IQSEC3: variants seen among roughly 807,000 people sequenced by gnomAD.
IQSEC3 encodes the protein IQ motif and SEC7 domain-containing protein 3.
In IQSEC3, 50 loss-of-function variants were observed where a neutral mutation model predicts 105.4. The ratio of observed to expected loss-of-function variants is 0.47; its 90% confidence interval spans 0.38 to 0.60. IQSEC3 has a LOEUF of 0.60. IQSEC3 is among the 20% of genes least tolerant of loss of function. The pLI is 0.00. For missense variants in IQSEC3, 1,415 were observed against 1,630.0 expected (o/e 0.87, Z 2.27); for synonymous variants, 708 against 746.0 (o/e 0.95, Z 0.83).
At chr12:150,910 A>G (rs1216554965) in intron 5 of IQSEC3, among the ~76,000 whole-genome samples, 1 of 152,176 alleles carries the variant, frequency 6.6e-6, no homozygotes, top group Non-Finnish European at 1.5e-5. Context: ...GCTATCTGAA[A>G]GAACACCTCA....
At position 139,041 on chromosome 12, in the gene IQSEC3, A is replaced by C; in HGVS notation, c.1678A>C (p.Ser560Arg). 2 of 1,487,442 alleles carry C rather than the reference A, an allele frequency of 1.3e-6. No homozygotes were observed. The allele number at this position is 1,487,442 out of a possible 1,614,324, so 92.1% of individuals were successfully genotyped here. ...AEDSCAEAAA[S>R]GAADGATAPK... The stretch of plus-strand genomic sequence containing the variant: ...GGACTCATGCGCAGAGGCTGCGGCT[A>C]GTGGGGCGGCGGATGGGGCCACAGC... Residue 560 changes from serine (S) to arginine (R), a missense_variant, in exon 4 of 14, where the codon AGT (serine) becomes CGT (arginine). Around this residue, in one of 6 missense-constraint regions of IQSEC3, gnomAD observed 720 missense variants for 633.0 expected, o/e 1.14. Transcript: ENST00000538872.
chr12:100,318 C>G (rs1463839808), intron 2 of IQSEC3, among the ~76,000 whole-genome samples: 1 of 152,182 alleles, frequency 6.6e-6, no homozygotes, highest in East Asian at 1.9e-4. Flanking sequence ...GAGCAAGGAC[C>G]AGTGCAGCCA....
chr12:133,116 C>A (rs747087625), intron 3 of IQSEC3, among the ~76,000 whole-genome samples: 30 of 152,296 alleles, frequency 2.0e-4, no homozygotes, highest in Admixed American at 5.9e-4. Context: ...AGAGGGAAGG[C>A]AGACAGGGCT....
At chr12:169,185 C>A in intron 12 of IQSEC3, 80 bp downstream of exon 12, 1 of 1,144,980 alleles carries the variant, frequency 8.7e-7, no homozygotes, top group South Asian at 1.3e-5. Flanking sequence ...GGGCAATCTG[C>A]AGGGAGAGGT....
rs1211273494 is a variant in IQSEC3 at position 176,887 on chromosome 12, A to G, written c.*1854A>G. 1.3e-5 allele frequency: 2 copies of G among 152,300 alleles called. No individual in the cohort carries two copies. Among genetic ancestry groups the G allele is most frequent in the East Asian group, 1.9e-4 (1 of 5,194 alleles). 9.4% of individuals were successfully genotyped at this position (152,300 alleles called of 1,614,324 possible). A position where few individuals can be genotyped will look rare whatever the true frequency, so the allele number is the denominator to read the frequency against. On this transcript the variant is annotated 3_prime_UTR_variant, in exon 14 of 14. Coordinates refer to ENST00000538872, the MANE Select transcript of IQSEC3 (RefSeq NM_001170738.2). The surrounding 1 kb of genome is among the most constrained non-coding windows in gnomAD (Gnocchi z 4.0). The stretch of plus-strand genomic sequence containing the variant: ...TCAGACACCTCTGATGCCCTTAGCC[A>G]GGGCAGGGATCGTCCTTAAAGTGAA...
chr12:165,698 G>A (rs1366039636), intron 10 of IQSEC3, 31 bp from the exon 11 acceptor site: 6 of 1,610,336 alleles, frequency 3.7e-6, no homozygotes, highest in Non-Finnish European at 5.1e-6. Context: ...GCTGCTCACA[G>A]CCCACTGGGG....
chr12:74,651 G>A (rs2650213), intron 1 of IQSEC3, among the ~76,000 whole-genome samples: 76 of 152,388 alleles, frequency 5.0e-4, no homozygotes, highest in African/African-American at 1.5e-3. Context: ...GAAGGGCCCC[G>A]TGCTCTGTGC....
At position 74,530 on chromosome 12, in the gene IQSEC3, G is replaced by C. The variant is rs1335256667; in HGVS notation, c.554+7094G>C. ...CTCTTTGGTTGGAATAAGGGATCTGGGAGGGTTATGTAACTCTTCAAGACT... is the reference window on the plus strand; with the variant it reads ...CTCTTTGGTTGGAATAAGGGATCTGCGAGGGTTATGTAACTCTTCAAGACT... On this transcript the variant is annotated intron_variant, in intron 1 of 13. Transcript: ENST00000538872. Among the ~76,000 whole-genome samples, 3 of 152,280 alleles carry C rather than the reference G, an allele frequency of 2.0e-5. No individual in the cohort carries two copies. The East Asian group carries it at 5.8e-4, about 29-fold the overall frequency.
In IQSEC3 at chr12:78,922, C is replaced by T. The variant is rs141506455; in HGVS notation, c.554+11486C>T. Among the ~76,000 whole-genome samples, 1,324 of 152,284 alleles carry T rather than the reference C, an allele frequency of 8.7e-3. 12 individuals are homozygous for T. Among genetic ancestry groups the T allele is most frequent in the African/African-American group, 0.022 (924 of 41,552 alleles). On this transcript the variant is annotated intron_variant, in intron 1 of 13. Coordinates refer to ENST00000538872, the MANE Select transcript of IQSEC3 (RefSeq NM_001170738.2). ...GTGAGAGGCCTCACCACCCCCCACC[C>T]TGACCCCGGCATCTTCTAAGGGGCT...
chr12:86,152 G>A (rs2136894397), intron 1 of IQSEC3, among the ~76,000 whole-genome samples: 1 of 152,340 alleles, frequency 6.6e-6, no homozygotes, highest in South Asian at 2.1e-4. Context: ...AATGTCTCAG[G>A]GAAGCTGCTG....
At chr12:99,079 T>C (rs1864334031) in intron 1 of IQSEC3, 67 bp from the exon 2 acceptor site, 4 of 1,415,384 alleles carry the variant, frequency 2.8e-6, no homozygotes, top group African/African-American at 1.4e-5. Context: ...AGAAATGCTT[T>C]AGTGTCAGGC....
At chr12:99,319 C>T in intron 2 of IQSEC3, 105 bp downstream of exon 2, 1 of 1,020,352 alleles carries the variant, frequency 9.8e-7, no homozygotes, top group Non-Finnish European at 1.4e-6. Flanking sequence ...TCTTGAGTCT[C>T]ATGTGGGGTA....
chr12:82,523 G>A (rs1269344487), intron 1 of IQSEC3, among the ~76,000 whole-genome samples: 6 of 152,150 alleles, frequency 3.9e-5, no homozygotes, highest in Admixed American at 3.9e-4. Flanking sequence ...TCAGCAGCAT[G>A]TCAGCTAACT....
At chr12:163,728 A>C (rs1867035047) in intron 9 of IQSEC3, 109 bp downstream of exon 9, 2 of 760,480 alleles carry the variant, frequency 2.6e-6, no homozygotes, top group Admixed American at 2.2e-5. Flanking sequence ...CAGAGCTTTC[A>C]GACAGAATGC....
At chr12:116,361 C>A (rs1865048365) in intron 2 of IQSEC3, among the ~76,000 whole-genome samples, 1 of 152,172 alleles carries the variant, frequency 6.6e-6, no homozygotes, top group South Asian at 2.1e-4. Context: ...TCTCAGGGAC[C>A]CCAAAGGCAC....
intron 2 of IQSEC3, chr12:111,764 G>A (rs2136945136): frequency 6.6e-6 from 1 of 152,282 alleles, no homozygotes; most frequent in South Asian, 2.1e-4. Context: ...AATCGAGTGG[G>A]ACACATCTCC....
intron 2 of IQSEC3, among the ~76,000 whole-genome samples, chr12:103,340 G>A (rs1224195830): frequency 6.7e-6 from 1 of 148,888 alleles, no homozygotes; most frequent in Non-Finnish European, 1.5e-5. Flanking sequence ...GTGGGGCTCA[G>A]GAGAAGGAGG....
At position 171,114 on chromosome 12, in the gene IQSEC3, A is replaced by G; in HGVS notation, c.3067A>G (p.Lys1023Glu). 2 of 1,613,970 alleles carry G rather than the reference A, an allele frequency of 1.2e-6. No homozygotes were observed. The highest frequency in any genetic ancestry group is 1.7e-6 in the Non-Finnish European group (2 of 1,179,962). The change falls in exon 13 of 14, where the codon AAA becomes GAA. Residue 1023 changes from lysine to glutamate, a missense_variant and splice_region_variant. Transcript: ENST00000538872. Reference protein sequence around the residue: ...PQSKQGSPTAKREAALRERPA... With the variant: ...PQSKQGSPTAEREAALRERPA... ...CCCTGTGCTCTTTGCATTCAAAGCC[A>G]AAAGGGAAGCCGCGCTCAGGGAGAG...
At chr12:77,790 C>T (rs1591629546) in intron 1 of IQSEC3, 1 of 148,758 alleles carries the variant, frequency 6.7e-6, no homozygotes, top group East Asian at 2.0e-4. Context: ...CCCCTCAGTC[C>T]CTGCGCCCCC....
Sources: allele counts gnomAD v4.1 joint callset (sites outside exome capture counted in the v4.1 genomes callset), GRCh38; gene constraint gnomAD v4.1.1; regional missense constraint gnomAD v4.1.1; non-coding constraint Gnocchi (gnomAD v3.1); transcripts MANE v1.5; gene names NCBI Gene and HGNC (gene_info 2026-07-23, HGNC 2026-07-21).